Variants in FOCAD observed in about 807,000 individuals in gnomAD.
The protein encoded by FOCAD is focadhesin, also known as KIAA1797.
In FOCAD, 198 loss-of-function variants were observed where a neutral mutation model predicts 225.6. The observed-to-expected ratio is 0.88, with a 90% CI of 0.78 to 0.99. FOCAD has a LOEUF of 0.99. FOCAD is among the 50% of genes least tolerant of loss of function. The pLI is 0.00. For missense variants in FOCAD, 2,713 were observed against 2,123.6 expected, an observed-to-expected ratio of 1.28 and a Z score of -5.46; for synonymous variants, 897 against 755.0, an observed-to-expected ratio of 1.19 and a Z score of -3.08.
chr9:20,686,261 AT>A (rs2131321987), intron 1 of FOCAD, among the ~76,000 whole-genome samples: 1 of 152,242 alleles, frequency 6.6e-6, no homozygotes, highest in East Asian at 1.9e-4. Flanking sequence ...GGTTCAAGTG[AT>A]TCTTCTGCCT....
At chr9:20,910,136 G>C (rs1042248656) in intron 22 of FOCAD, among the ~76,000 whole-genome samples, 3 of 152,008 alleles carry the variant, frequency 2.0e-5, no homozygotes, top group Non-Finnish European at 4.4e-5. Flanking sequence ...ATATATCAAA[G>C]TGGTTGACAT....
chr9:20,817,892 G>C (rs1187282779), intron 11 of FOCAD, among the ~76,000 whole-genome samples: 2 of 152,076 alleles, frequency 1.3e-5, no homozygotes, highest in Admixed American at 1.3e-4. Context: ...TTTTTCTTAA[G>C]TAGATAACTA....
At chr9:20,966,795 T>G (rs1053911342) in intron 35 of FOCAD, among the ~76,000 whole-genome samples, 11 of 152,088 alleles carry the variant, frequency 7.2e-5, no homozygotes, top group Non-Finnish European at 1.5e-5. Flanking sequence ...TGAAGGATCT[T>G]GGCACCCTTG....
intron 21 of FOCAD, among the ~76,000 whole-genome samples, chr9:20,889,096 G>A (rs1564116401): frequency 6.6e-6 from 1 of 152,284 alleles, no homozygotes; most frequent in Non-Finnish European, 1.5e-5. Flanking sequence ...TCATTACCCA[G>A]AAAAGAAACT....
intron 15 of FOCAD, among the ~76,000 whole-genome samples, chr9:20,836,044 C>G (rs1386048469): frequency 6.6e-6 from 1 of 152,024 alleles, no homozygotes; most frequent in Non-Finnish European, 1.5e-5. Context: ...TATTTACTTT[C>G]TGAAATCATG....
chr9:20,711,008 A>G (rs192742994), intron 1 of FOCAD, among the ~76,000 whole-genome samples: 44 of 152,364 alleles, frequency 2.9e-4, no homozygotes, highest in Middle Eastern at 3.4e-3. Context: ...TCATGCTACA[A>G]TGGCAGACTT....
chr9:20,908,465 G>A (rs897472702), intron 22 of FOCAD, among the ~76,000 whole-genome samples: 8 of 151,982 alleles, frequency 5.3e-5, no homozygotes, highest in African/African-American at 1.9e-4. Context: ...AGTGAATAGG[G>A]GACCAGGAAT....
At chr9:20,949,500 A>C (rs1208965683) in intron 32 of FOCAD, 104 bp from the exon 33 acceptor site, 2 of 818,744 alleles carry the variant, frequency 2.4e-6, no homozygotes, top group South Asian at 3.1e-5. Context: ...CATAATGATA[A>C]ACTGTTTTAT....
At chr9:20,860,897 G>A (rs1828715468) in intron 15 of FOCAD, among the ~76,000 whole-genome samples, 1 of 152,116 alleles carries the variant, frequency 6.6e-6, no homozygotes, top group Non-Finnish European at 1.5e-5. Context: ...TTTAGATTTG[G>A]TTCCAACTGC....
At chr9:20,777,735 A>G (rs1007835428) in intron 8 of FOCAD, among the ~76,000 whole-genome samples, 9 of 152,344 alleles carry the variant, frequency 5.9e-5, no homozygotes, top group African/African-American at 2.2e-4. Context: ...AGGTAAGCAG[A>G]AAATTGAACT....
At chr9:20,674,740 A>G (rs1418561035) in intron 2 of FOCAD, among the ~76,000 whole-genome samples, 3 of 152,230 alleles carry the variant, frequency 2.0e-5, no homozygotes, top group Non-Finnish European at 4.4e-5. Flanking sequence ...CTGTATAATC[A>G]GTGTTTAGCA....
At chr9:20,699,309 G>A (rs1409914545) in intron 1 of FOCAD, among the ~76,000 whole-genome samples, 1 of 152,126 alleles carries the variant, frequency 6.6e-6, no homozygotes, top group East Asian at 1.9e-4. Flanking sequence ...TGGCTTTATT[G>A]TAAGTTGCTG....
At chr9:20,917,002 A>C in intron 24 of FOCAD, 65 bp downstream of exon 24, 1 of 1,305,718 alleles carries the variant, frequency 7.7e-7, no homozygotes, top group Non-Finnish European at 1.1e-6. Context: ...AGGTACATAC[A>C]TTTTCTCCTT....
At chr9:20,667,271 A>C (rs561527735) in intron 2 of FOCAD, among the ~76,000 whole-genome samples, 80 of 152,342 alleles carry the variant, frequency 5.3e-4, no homozygotes, top group African/African-American at 1.9e-3. Flanking sequence ...ATACTCTGAT[A>C]AGTAATCAAA....
At chr9:20,790,219 T>C (rs1284352594) in intron 11 of FOCAD, among the ~76,000 whole-genome samples, 1 of 152,214 alleles carries the variant, frequency 6.6e-6, no homozygotes, top group Non-Finnish European at 1.5e-5. Flanking sequence ...CCCAGCCTTT[T>C]ACACTAACCA....
intron 35 of FOCAD, among the ~76,000 whole-genome samples, chr9:20,968,455 T>TTG (rs398010456): frequency 1.9e-3 from 263 of 140,028 alleles, no homozygotes; most frequent in African/African-American, 6.6e-3. Context: ...TTTTTTTTTT[T>TTG]GGGAGAGTTA....
intron 2 of FOCAD, among the ~76,000 whole-genome samples, chr9:20,715,672 G>T (rs1221058769): frequency 6.6e-6 from 1 of 151,766 alleles, no homozygotes; most frequent in Admixed American, 6.6e-5. Flanking sequence ...TAACTAGTAG[G>T]CCCCTGAATA....
intron 1 of FOCAD, among the ~76,000 whole-genome samples, chr9:20,700,220 G>A (rs1299744301): frequency 6.6e-6 from 1 of 151,826 alleles, no homozygotes; most frequent in Non-Finnish European, 1.5e-5. Flanking sequence ...GGTTTTTAAA[G>A]GATTGTAATA....
chr9:20,885,042 G>C (rs1830992650), intron 20 of FOCAD, 67 bp from the exon 21 acceptor site: 1 of 989,700 alleles, frequency 1.0e-6, no homozygotes, highest in African/African-American at 1.7e-5. Context: ...CTGGGCAACA[G>C]AGTGAGATTC....
Sources: allele counts gnomAD v4.1 joint callset (sites outside exome capture counted in the v4.1 genomes callset), GRCh38; gene constraint gnomAD v4.1.1; transcripts MANE v1.5; gene names NCBI Gene and HGNC (gene_info 2026-07-23, HGNC 2026-07-21).